PTPRD: variants seen among roughly 807,000 people sequenced by gnomAD.
PTPRD encodes receptor-type tyrosine-protein phosphatase delta.
A neutral mutation model predicts 214.5 loss-of-function variants in PTPRD; 34 were observed. The observed-to-expected ratio is 0.16, with a 90% CI of 0.12 to 0.21. The LOEUF (loss-of-function observed/expected upper bound fraction) is 0.21. Ranked by LOEUF, PTPRD falls within the 10% of genes least tolerant of loss-of-function variation. The probability of loss-of-function intolerance (pLI) is 1.00; values close to 1 mark genes in which losing one functional copy is unlikely to be tolerated. For missense variants in PTPRD, 2,545 were observed against 2,398.7 expected, an observed-to-expected ratio of 1.06 and a Z score of -1.27; for synonymous variants, 1,128 against 845.7, an observed-to-expected ratio of 1.33 and a Z score of -5.79.
At chr9:9,581,161 T>C (rs945235080) in intron 7 of PTPRD, among the ~76,000 whole-genome samples, 1 of 152,146 alleles carries the variant, frequency 6.6e-6, no homozygotes, top group African/African-American at 2.4e-5. Context: ...GCTTCTAGTC[T>C]TACAACTCTA....
At chr9:9,867,612 C>A (rs530463596) in intron 5 of PTPRD, among the ~76,000 whole-genome samples, 2 of 152,164 alleles carry the variant, frequency 1.3e-5, no homozygotes, top group African/African-American at 4.8e-5. Flanking sequence ...AAGCTCTTGG[C>A]TCACATGAAA....
intron 2 of PTPRD, among the ~76,000 whole-genome samples, chr9:10,406,919 T>C (rs1452202741): frequency 6.6e-6 from 1 of 151,590 alleles, no homozygotes; most frequent in African/African-American, 2.4e-5. Context: ...ATTTACTGAT[T>C]TACTAGAAAA....
intron 2 of PTPRD, among the ~76,000 whole-genome samples, chr9:10,586,095 A>C (rs74824864): frequency 0.04 from 6,088 of 152,166 alleles, 398 homozygotes; most frequent in African/African-American, 0.14. Context: ...GCAGTAAAGA[A>C]ATTTACATAA....
chr9:8,725,890 G>A (rs1420672988), intron 12 of PTPRD, among the ~76,000 whole-genome samples: 1 of 152,080 alleles, frequency 6.6e-6, no homozygotes, highest in Non-Finnish European at 1.5e-5. Context: ...TGAGAAGATT[G>A]CTTGAGAGCA....
At chr9:9,612,640 TAA>T (rs1343484140) in intron 7 of PTPRD, among the ~76,000 whole-genome samples, 2 of 151,876 alleles carry the variant, frequency 1.3e-5, no homozygotes, top group African/African-American at 2.4e-5. Context: ...CCAATTATCC[TAA>T]GATAGTAATT....
intron 10 of PTPRD, among the ~76,000 whole-genome samples, chr9:9,109,157 C>T (rs1435925728): frequency 1.3e-5 from 2 of 152,112 alleles, no homozygotes; most frequent in East Asian, 3.9e-4. Context: ...AAGATTGTAT[C>T]CTGCTATGGA....
At chr9:9,353,801 C>G (rs12001806) in intron 9 of PTPRD, among the ~76,000 whole-genome samples, 1,644 of 151,854 alleles carry the variant, frequency 0.011, 23 homozygotes, top group African/African-American at 0.037. Flanking sequence ...AAAACAACAC[C>G]CTTTTATTAG....
intron 2 of PTPRD, among the ~76,000 whole-genome samples, chr9:10,424,164 T>C (rs12346029): frequency 0.19 from 28,649 of 151,860 alleles, 3,942 homozygotes; most frequent in East Asian, 0.65. Context: ...ACTTTATGAA[T>C]GAAAATAGAT....
At chr9:9,169,177 C>A (rs1240503326) in intron 10 of PTPRD, among the ~76,000 whole-genome samples, 1 of 151,876 alleles carries the variant, frequency 6.6e-6, no homozygotes. Flanking sequence ...TTGGCTTTAA[C>A]TTTTCTCATA....
At chr9:9,396,384 A>C (rs1426626958) in intron 9 of PTPRD, among the ~76,000 whole-genome samples, 2 of 152,066 alleles carry the variant, frequency 1.3e-5, no homozygotes, top group Non-Finnish European at 2.9e-5. Context: ...ATTCTAAATC[A>C]GAATCTGCGT....
At chr9:10,029,025 C>G (rs1385856903) in intron 4 of PTPRD, among the ~76,000 whole-genome samples, 1 of 152,114 alleles carries the variant, frequency 6.6e-6, no homozygotes, top group Non-Finnish European at 1.5e-5. Context: ...CCCAGCTGCT[C>G]CAGTTGTGGC....
chr9:9,497,822 G>C (rs1391886485), intron 8 of PTPRD, among the ~76,000 whole-genome samples: 1 of 152,116 alleles, frequency 6.6e-6, no homozygotes, highest in Non-Finnish European at 1.5e-5. Context: ...CACTGTTATG[G>C]AATGAAACTC....
intron 14 of PTPRD, among the ~76,000 whole-genome samples, chr9:8,557,152 G>A (rs766940536): frequency 2.0e-5 from 3 of 151,996 alleles, no homozygotes; most frequent in African/African-American, 4.8e-5. Flanking sequence ...GTTTGCTTCT[G>A]TTAGCCGAGG....
intron 10 of PTPRD, among the ~76,000 whole-genome samples, chr9:9,072,965 C>T (rs897414238): frequency 6.6e-6 from 1 of 151,822 alleles, no homozygotes; most frequent in Admixed American, 6.6e-5. Flanking sequence ...CTACTGACAG[C>T]ATATTTGAGA....
At chr9:9,420,364 A>T (rs2078323084) in intron 8 of PTPRD, among the ~76,000 whole-genome samples, 1 of 151,798 alleles carries the variant, frequency 6.6e-6, no homozygotes, top group African/African-American at 2.4e-5. Context: ...ATAGGTAGTA[A>T]AGGATTTCTA....
At chr9:10,293,528 C>T (rs549403858) in intron 3 of PTPRD, among the ~76,000 whole-genome samples, 1 of 151,984 alleles carries the variant, frequency 6.6e-6, no homozygotes, top group South Asian at 2.1e-4. Context: ...GTTAGAAAAA[C>T]TTTATTCACA....
intron 9 of PTPRD, among the ~76,000 whole-genome samples, chr9:9,301,793 TA>T (rs1376425471): frequency 6.6e-6 from 1 of 151,926 alleles, no homozygotes; most frequent in Non-Finnish European, 1.5e-5. Flanking sequence ...TAATGGGTCC[TA>T]AAAACTCTAT....
At chr9:9,535,463 A>T (rs897736360) in intron 8 of PTPRD, among the ~76,000 whole-genome samples, 2 of 152,240 alleles carry the variant, frequency 1.3e-5, no homozygotes, top group South Asian at 4.1e-4. Flanking sequence ...TGAAAAAACA[A>T]ATGTCCAGTG....
intron 7 of PTPRD, among the ~76,000 whole-genome samples, chr9:9,626,306 G>A (rs528054438): frequency 1.3e-5 from 2 of 152,198 alleles, no homozygotes; most frequent in African/African-American, 2.4e-5. Context: ...TTATAATGAC[G>A]CTTGCAAAGT....
Sources: allele counts gnomAD v4.1 joint callset (sites outside exome capture counted in the v4.1 genomes callset), GRCh38; gene constraint gnomAD v4.1.1; transcripts MANE v1.5; gene names NCBI Gene and HGNC (gene_info 2026-07-23, HGNC 2026-07-21).